ADGRL2: variants seen among roughly 807,000 people sequenced by gnomAD.
The protein encoded by ADGRL2 is adhesion G protein-coupled receptor L2, also known as calcium-independent alpha-latrotoxin receptor 2.
Under a neutral mutation model 157.4 loss-of-function variants are expected in ADGRL2, and 44 were observed. The ratio of observed to expected loss-of-function variants is 0.28; its 90% CI spans 0.22 to 0.36. The LOEUF is 0.36. Among genes scored for constraint, ADGRL2 ranks in the 10% least tolerant of loss-of-function variants. ADGRL2 has a pLI of 1.00. For synonymous variants in ADGRL2, 585 were observed against 624.7 expected, an observed-to-expected ratio of 0.94 and a Z score of 0.95; for missense variants, 1,510 against 1,768.9, an observed-to-expected ratio of 0.85 and a Z score of 2.63.
At chr1:81,324,906 G>A (rs540334976) in intron 1 of ADGRL2, among the ~76,000 whole-genome samples, 137 of 152,024 alleles carry the variant, frequency 9.0e-4, no homozygotes, top group African/African-American at 3.3e-3. Context: ...TAGTAGAGAC[G>A]GGGTTTTACA....
chr1:81,948,902 A>G (rs1650840782), intron 6 of ADGRL2, among the ~76,000 whole-genome samples: 2 of 152,216 alleles, frequency 1.3e-5, no homozygotes, highest in African/African-American at 4.8e-5. Flanking sequence ...CTAAAGAACT[A>G]GAAACATGTC....
At chr1:81,638,329 A>G (rs928860436) in intron 3 of ADGRL2, among the ~76,000 whole-genome samples, 1 of 152,218 alleles carries the variant, frequency 6.6e-6, no homozygotes, top group African/African-American at 2.4e-5. Context: ...TCAGATCTAC[A>G]TAAAGAAAGG....
chr1:81,880,455 G>A lies in ADGRL2; in HGVS notation c.74-26562G>A, dbSNP rs114748452. ...TTAGCTTAACAAGGTTCAGGTTCTT[G>A]TCTCAGTACCAGGAAGAAGTAGGCA... On this transcript the variant is annotated intron_variant, in intron 2 of 23. Coordinates refer to ENST00000686636, the MANE Select transcript of ADGRL2 (RefSeq NM_001366006.2). Among the ~76,000 whole-genome samples the A allele has an allele frequency of 4.0e-3, 613 of 152,264 alleles. 4 individuals carry two copies. The highest frequency in any genetic ancestry group is 0.013 in the African/African-American group (553 of 41,556).
rs759443053 is a variant in ADGRL2, at chr1:81,979,956, A to G, written c.3109A>G (p.Ile1037Val). The G allele has an allele frequency of 4.4e-6, 7 of 1,573,140 alleles. No individual in the cohort carries two copies. The highest frequency in any genetic ancestry group is 2.2e-5 in the East Asian group (1 of 44,482). The change falls in exon 18 of 24, where the codon ATT (isoleucine) becomes GTT (valine). Residue 1037 changes from isoleucine to valine, a missense_variant. This residue lies in a region of ADGRL2 where 497 missense variants were observed against 627.2 expected (regional missense o/e 0.79). Coordinates refer to ENST00000686636, the MANE Select transcript of ADGRL2 (RefSeq NM_001366006.2). ...LKPDSSRLENIKSWVLGAFAL... is the reference protein window; with the variant it reads ...LKPDSSRLENVKSWVLGAFAL... ...ACCAGATTCTAGCAGGTTGGAAAAC[A>G]TTAAGTAAGTATTTTGTATTTTAAT...
At chr1:81,541,147 A>G (rs879487657) in intron 2 of ADGRL2, among the ~76,000 whole-genome samples, 5 of 152,172 alleles carry the variant, frequency 3.3e-5, no homozygotes, top group Non-Finnish European at 7.3e-5. Flanking sequence ...AACTTCTCTG[A>G]TACCTTATAA....
In ADGRL2 at chr1:81,538,431, G is replaced by T. The variant is rs542754862; in HGVS notation, c.-247-42445G>T. ...TCATCATCTTTGTCATTAGCCAGCAGGGGGAAAAAAGGAAAGGAAATGCAT... is the reference window on the plus strand; with the variant it reads ...TCATCATCTTTGTCATTAGCCAGCATGGGGAAAAAAGGAAAGGAAATGCAT... On this transcript the variant is annotated intron_variant, in intron 2 of 24. Transcript: ENST00000370721. 5.3e-5 allele frequency among the ~76,000 whole-genome samples: 8 copies of T among 152,146 alleles called. No individual in the cohort carries two copies. The East Asian group carries it at 1.5e-3, about 29-fold the overall frequency.
rs1557615003 is a variant in ADGRL2 at position 81,746,839 on chromosome 1, T to TATATACACACGTGCACACGTATACAC, written c.-142-14972_-142-14971insATATACACACGTGCACACGTATACAC. 4.1e-4 allele frequency among the ~76,000 whole-genome samples: 58 copies of TATATACACACGTGCACACGTATACAC among 142,380 alleles called. 5 individuals carry two copies. Among genetic ancestry groups the TATATACACACGTGCACACGTATACAC allele is most frequent in the African/African-American group, 1.2e-3 (44 of 36,324 alleles). 93.4% of individuals were successfully genotyped at this position (142,380 alleles called of 152,430 possible). ...TACTAATTCAAATTATATATATACATGTATATACACACGTGCACACGTATA... is the reference window on the plus strand; with the variant it reads ...TACTAATTCAAATTATATATATACATATATACACACGTGCACACGTATACACGTATATACACACGTGCACACGTATA... On this transcript the variant is annotated intron_variant, in intron 1 of 20. Transcript: ENST00000359929.
At chr1:81,824,243 A>G (rs928320319) in intron 1 of ADGRL2, among the ~76,000 whole-genome samples, 4 of 152,192 alleles carry the variant, frequency 2.6e-5, no homozygotes, top group African/African-American at 9.6e-5. Flanking sequence ...GAAGAAAGAT[A>G]AACATAGAAA....
chr1:81,556,132 A>T (rs2080270679), intron 2 of ADGRL2, among the ~76,000 whole-genome samples: 1 of 152,090 alleles, frequency 6.6e-6, no homozygotes, highest in Non-Finnish European at 1.5e-5. Context: ...TTTACCAAAA[A>T]ATACTCATTT....
chr1:81,526,012 T>C (rs2079445644), intron 2 of ADGRL2, among the ~76,000 whole-genome samples: 1 of 152,228 alleles, frequency 6.6e-6, no homozygotes, highest in East Asian at 1.9e-4. Context: ...TGACACCCAC[T>C]GAGAAGACCA....
At chr1:81,394,216 T>A (rs764086945) in intron 1 of ADGRL2, among the ~76,000 whole-genome samples, 19 of 152,186 alleles carry the variant, frequency 1.2e-4, no homozygotes, top group Admixed American at 5.9e-4. Context: ...TCTGACTAAT[T>A]GACAAATCTC....
intron 1 of ADGRL2, among the ~76,000 whole-genome samples, chr1:81,761,533 T>A (rs555736657): frequency 1.2e-4 from 18 of 151,960 alleles, no homozygotes; most frequent in South Asian, 4.1e-4. Context: ...GAAAAAAAAA[T>A]TTATTGACAA....
intron 2 of ADGRL2, among the ~76,000 whole-genome samples, chr1:81,461,005 A>C (rs946771553): frequency 2.6e-5 from 4 of 152,152 alleles, no homozygotes; most frequent in African/African-American, 9.7e-5. Flanking sequence ...TGCACCTGGA[A>C]ATCAAATATT....
rs1447977515 is a variant in ADGRL2 at position 81,984,605 on chromosome 1, G to T, written c.3305G>T (p.Cys1102Phe). 1 of 1,610,938 alleles carries T rather than the reference G, an allele frequency of 6.2e-7. No individual in the cohort carries two copies. The highest frequency in any genetic ancestry group is 8.5e-7 in the Non-Finnish European group (1 of 1,177,816). Residue 1102 changes from cysteine (C) to phenylalanine (F), a missense_variant, in exon 20 of 24, where the codon TGC (cysteine) becomes TTC (phenylalanine). By Grantham distance (205) the Cys-to-Phe change is radical (BLOSUM62 -2). This residue lies in a region of ADGRL2 where 497 missense variants were observed against 627.2 expected (regional missense o/e 0.79). Transcript: ENST00000686636. ...CAGGTACGAAAAGAATATGGCAAGT[G>T]CTTCAGACACTCATACTGCTGTGGA... ...QKKVRKEYGK[C>F]FRHSYCCGGL... is the part of the protein sequence containing the mutation.
At position 81,747,149 on chromosome 1, in the gene ADGRL2, A is replaced by ACGTATATG. The variant is rs2085312135; in HGVS notation, c.-142-14655_-142-14654insGCGTATAT. On this transcript the variant is annotated intron_variant, in intron 1 of 20. Coordinates refer to the ADGRL2 transcript ENST00000359929. ...TATATGTATATATGTATACATATAT[A>ACGTATATG]CGTATATATGTATGTGTGTATATAT... Among the ~76,000 whole-genome samples the ACGTATATG allele has an allele frequency of 2.1e-5, 3 of 140,138 alleles. No homozygotes were observed. The South Asian group carries it at 6.3e-4, about 30-fold the overall frequency. The allele number at this position is 140,138 out of a possible 152,430, so 91.9% of individuals were successfully genotyped here.
chr1:81,322,113 C>CATATATATATATATATAT (rs1345847160), intron 1 of ADGRL2, among the ~76,000 whole-genome samples: 8 of 112,062 alleles, frequency 7.1e-5, no homozygotes, highest in East Asian at 5.1e-4. Context: ...TATATATACA[C>CATATATATATATATATAT]ATATATATAT....
At chr1:81,340,796 A>G (rs1248939939) in intron 1 of ADGRL2, among the ~76,000 whole-genome samples, 1 of 152,164 alleles carries the variant, frequency 6.6e-6, no homozygotes, top group Non-Finnish European at 1.5e-5. Context: ...GTTAGTCTAT[A>G]CAGAACTTCC....
At chr1:81,595,639 A>G (rs758604621) in intron 3 of ADGRL2, among the ~76,000 whole-genome samples, 5 of 152,230 alleles carry the variant, frequency 3.3e-5, no homozygotes, top group Non-Finnish European at 5.9e-5. Context: ...TGTCACAAAA[A>G]CTGAGGTGCC....
intron 3 of ADGRL2, among the ~76,000 whole-genome samples, chr1:81,640,925 C>T (rs576705657): frequency 1.8e-3 from 280 of 152,294 alleles, no homozygotes; most frequent in African/African-American, 6.4e-3. Context: ...AGGAAGTAAC[C>T]TGATGTTAAC....
Sources: gnomAD v4.1 joint callset for allele counts (sites outside exome capture counted in the v4.1 genomes callset) on GRCh38, gnomAD v4.1.1 for gene constraint, gnomAD v4.1.1 regional missense constraint, MANE v1.5 for transcripts, NCBI Gene and HGNC (gene_info 2026-07-23, HGNC 2026-07-21) for gene names.